Variants in NFATC2 observed in about 807,000 individuals in gnomAD.
NFATC2 encodes nuclear factor of activated T cells 2, also known as nuclear factor of activated T-cells, cytoplasmic 2.
NFATC2 carries 22 observed loss-of-function variants against 87.3 expected under a neutral mutation model. The ratio of observed to expected loss-of-function variants is 0.25; its 90% CI spans 0.18 to 0.36. The LOEUF is 0.36. Ranked by LOEUF, NFATC2 falls within the 10% of genes least tolerant of loss-of-function variation. The pLI is 1.00. For synonymous variants in NFATC2, 565 were observed against 542.2 expected (o/e 1.04, Z -0.58); for missense variants, 1,149 against 1,259.1 (o/e 0.91, Z 1.32).
In NFATC2 at chr20:51,441,239, C is replaced by T. The variant is rs1018077895; in HGVS notation, c.1850-5478G>A. 5.3e-5 allele frequency among the ~76,000 whole-genome samples: 8 copies of T among 152,022 alleles called. No individual in the cohort carries two copies. The South Asian group carries it at 1.0e-3, about 20-fold the overall frequency. The stretch of plus-strand genomic sequence containing the variant: ...TGGAGGTTGCAGTGAGCCGAGATCG[C>T]ACCACTGCACTCCAGCCTGGGTGAC... On this transcript the variant is annotated intron_variant, in intron 6 of 10. Coordinates refer to ENST00000371564, the MANE Select transcript of NFATC2 (RefSeq NM_012340.5).
chr20:51,439,736 G>A (rs1452375507), intron 6 of NFATC2, among the ~76,000 whole-genome samples: 2 of 152,172 alleles, frequency 1.3e-5, no homozygotes, highest in Non-Finnish European at 2.9e-5. Flanking sequence ...CCAGTGCTCT[G>A]CCATTTTACT....
rs73269958 is a variant in NFATC2 at position 51,452,424 on chromosome 20, G to T, written c.1849+2124C>A. ...CACTGGAGGCCATCCTGGGAGGTCG[G>T]AGCCAATTCCCAGGACTTCACCTCA... On this transcript the variant is annotated intron_variant, in intron 6 of 10. Transcript: ENST00000371564. Among the ~76,000 whole-genome samples, 1,072 of 152,228 alleles carry T rather than the reference G, an allele frequency of 7.0e-3. 17 individuals are homozygous for T. The highest frequency in any genetic ancestry group is 0.024 in the African/African-American group (1,000 of 41,534).
chr20:51,507,871 C>A (rs763381466), intron 3 of NFATC2, among the ~76,000 whole-genome samples: 1 of 152,184 alleles, frequency 6.6e-6, no homozygotes, highest in Non-Finnish European at 1.5e-5. Context: ...GCATAGTAAT[C>A]CTACCACCTA....
intron 9 of NFATC2, among the ~76,000 whole-genome samples, chr20:51,409,286 A>G (rs2146266097): frequency 6.6e-6 from 1 of 152,328 alleles, no homozygotes; most frequent in South Asian, 2.1e-4. Context: ...GCGAAAGAAC[A>G]TTCCAGACAG....
chr20:51,465,487 C>G (rs1421051351), intron 5 of NFATC2, among the ~76,000 whole-genome samples: 2 of 152,254 alleles, frequency 1.3e-5, no homozygotes, highest in East Asian at 3.9e-4. Flanking sequence ...GGGCTCAGAC[C>G]TCACCTCCGA....
chr20:51,472,953 C>T (rs1988371564), intron 5 of NFATC2, among the ~76,000 whole-genome samples: 1 of 152,160 alleles, frequency 6.6e-6, no homozygotes, highest in Non-Finnish European at 1.5e-5. Context: ...AACTTCTAAA[C>T]TTTCAAACAC....
Position 51,471,424 on chromosome 20 carries a change from G to A in NFATC2, c.1708+2556C>T, listed in dbSNP as rs112108896. Among the ~76,000 whole-genome samples, 245 of 152,270 alleles carry A rather than the reference G, an allele frequency of 1.6e-3. 2 individuals carry two copies. The highest frequency in any genetic ancestry group is 5.5e-3 in the African/African-American group (230 of 41,548). On this transcript the variant is annotated intron_variant, in intron 5 of 10. Transcript: ENST00000371564. ...ACCAGCATTTGATGGACAGGAGTGG[G>A]GTCTACTGAGCTGAGCAGGAGAATT...
At chr20:51,460,077 A>C (rs1256214815) in intron 5 of NFATC2, among the ~76,000 whole-genome samples, 1 of 152,248 alleles carries the variant, frequency 6.6e-6, no homozygotes, top group Non-Finnish European at 1.5e-5. Context: ...TGCTTAGCAC[A>C]CAGTAACAAC....
At chr20:51,493,281 T>C (rs3787194) in intron 3 of NFATC2, among the ~76,000 whole-genome samples, 22,261 of 152,204 alleles carry the variant, frequency 0.15, 3,309 homozygotes, top group African/African-American at 0.38. Context: ...TGAATTGGTA[T>C]AAGCACAGCT....
chr20:51,437,373 A>G (rs745708471), intron 6 of NFATC2, among the ~76,000 whole-genome samples: 6 of 152,196 alleles, frequency 3.9e-5, no homozygotes, highest in Non-Finnish European at 7.3e-5. Context: ...AAGCTTTAAC[A>G]TGCTGCTGTG....
intron 6 of NFATC2, among the ~76,000 whole-genome samples, chr20:51,451,502 C>G (rs1314152582): frequency 2.6e-5 from 4 of 152,338 alleles, no homozygotes; most frequent in Middle Eastern, 3.4e-3. Context: ...CAGGACAGCG[C>G]CCCTGCCAAG....
intron 5 of NFATC2, 102 bp downstream of exon 5, chr20:51,473,878 G>T (rs80221807): frequency 7.7e-7 from 1 of 1,294,682 alleles, no homozygotes; most frequent in Admixed American, 2.4e-5. Context: ...ACACATTCCC[G>T]CAGGCCACCC....
At chr20:51,488,584 T>C (rs2075824695) in intron 3 of NFATC2, among the ~76,000 whole-genome samples, 1 of 152,128 alleles carries the variant, frequency 6.6e-6, no homozygotes, top group Non-Finnish European at 1.5e-5. Context: ...TAAGCTAACA[T>C]TTATGAGGAG....
At position 51,562,430 on chromosome 20, in the gene NFATC2, G is replaced by T; in HGVS notation, c.70+130C>A. The T allele has an allele frequency of 3.8e-6, 3 of 798,356 alleles. No homozygotes were observed. Among genetic ancestry groups the T allele is most frequent in the South Asian group, 4.2e-5 (2 of 48,152 alleles). 49.5% of individuals were successfully genotyped at this position (798,356 alleles called of 1,614,324 possible). On this transcript the variant is annotated intron_variant, in intron 1 of 10. Transcript: ENST00000414705. The surrounding 1 kb of genome is among the most constrained non-coding windows in gnomAD (Gnocchi z 5.8). ...GGGCCCCGCTACCTGTGCGCCGAGGGCGAGCGGGGTCCCCAGGCCTCCCGC... is the reference window on the plus strand; with the variant it reads ...GGGCCCCGCTACCTGTGCGCCGAGGTCGAGCGGGGTCCCCAGGCCTCCCGC...
intron 9 of NFATC2, 111 bp from the exon 10 acceptor site, chr20:51,398,841 C>A (rs1267880451): frequency 2.7e-6 from 2 of 749,884 alleles, no homozygotes; most frequent in East Asian, 5.1e-5. Context: ...GGGAACTTAA[C>A]CCTTTGGCTC....
rs188538493 is a variant in NFATC2, at chr20:51,562,396, C to T, written c.70+164G>A. ...CCCTTCCCTGGCCGGGGCGCGGGCGCCCCTCCGCGGGCCCCGCTACCTGTG... is the reference window on the plus strand; with the variant it reads ...CCCTTCCCTGGCCGGGGCGCGGGCGTCCCTCCGCGGGCCCCGCTACCTGTG... On this transcript the variant is annotated intron_variant, in intron 1 of 10. Coordinates refer to the NFATC2 transcript ENST00000414705. The surrounding 1 kb of genome is among the most constrained non-coding windows in gnomAD (Gnocchi z 5.8). 7.8e-3 allele frequency among the ~76,000 whole-genome samples: 1,184 copies of T among 152,294 alleles called. 21 individuals are homozygous for T. The highest frequency in any genetic ancestry group is 0.027 in the African/African-American group (1,134 of 41,578).
At chr20:51,559,175 C>T (rs1329708633) in intron 1 of NFATC2, among the ~76,000 whole-genome samples, 1 of 152,260 alleles carries the variant, frequency 6.6e-6, no homozygotes, top group Non-Finnish European at 1.5e-5. Context: ...GGAGCTGCCA[C>T]ACTGGCTGGC....
At chr20:51,445,099 C>A (rs1984885128) in intron 6 of NFATC2, among the ~76,000 whole-genome samples, 1 of 152,130 alleles carries the variant, frequency 6.6e-6, no homozygotes. Context: ...TCAACCAGAC[C>A]ATGCCACTCC....
chr20:51,457,196 G>T (rs565092675), intron 5 of NFATC2, among the ~76,000 whole-genome samples: 1 of 152,370 alleles, frequency 6.6e-6, no homozygotes, highest in African/African-American at 2.4e-5. Flanking sequence ...AGCAGCAAGA[G>T]CAGCAGCTGC....
Sources: gnomAD v4.1 joint callset for allele counts (sites outside exome capture counted in the v4.1 genomes callset) on GRCh38, gnomAD v4.1.1 for gene constraint, Gnocchi (gnomAD v3.1) non-coding constraint, MANE v1.5 for transcripts, NCBI Gene and HGNC (gene_info 2026-07-23, HGNC 2026-07-21) for gene names.